Variants in MIPEP observed in about 807,000 individuals in gnomAD.
The protein encoded by MIPEP is mitochondrial intermediate peptidase.
MIPEP carries 79 observed loss-of-function variants against 90.3 expected under a neutral mutation model. That is an observed-to-expected ratio of 0.87 (90% CI 0.73 to 1.05). MIPEP has a LOEUF of 1.05. MIPEP is among the 50% of genes least tolerant of loss of function. MIPEP has a pLI of 0.00. For missense variants in MIPEP, 940 were observed against 905.6 expected (o/e 1.04, Z -0.49); for synonymous variants, 334 against 315.8 (o/e 1.06, Z -0.61).
At chr13:23,856,261 A>C (rs1344469335) in intron 10 of MIPEP, among the ~76,000 whole-genome samples, 2 of 152,206 alleles carry the variant, frequency 1.3e-5, no homozygotes, top group Admixed American at 1.3e-4. Context: ...CAAACCAGGG[A>C]GGCAATGGGA....
rs75944198 is a variant in MIPEP at position 23,826,349 on chromosome 13, C to A, written c.1653+9891G>T. On this transcript the variant is annotated intron_variant, in intron 14 of 18. Transcript: ENST00000382172. ...GACTTACCAGACTAGTATGAAACCG[C>A]AGACCCAACAATTATAAATATACAA... 5.6e-3 allele frequency among the ~76,000 whole-genome samples: 854 copies of A among 152,192 alleles called. 8 individuals are homozygous for A. Among genetic ancestry groups the A allele is most frequent in the African/African-American group, 0.019 (800 of 41,530 alleles).
intron 4 of MIPEP, among the ~76,000 whole-genome samples, chr13:23,875,670 T>G (rs1382407236): frequency 2.0e-5 from 3 of 152,148 alleles, no homozygotes; most frequent in Non-Finnish European, 4.4e-5. Flanking sequence ...TTACATCAAA[T>G]ATACCTTGAA....
intron 14 of MIPEP, among the ~76,000 whole-genome samples, chr13:23,823,926 T>G (rs1953337644): frequency 6.6e-6 from 1 of 152,196 alleles, no homozygotes. Context: ...AAACACTGCA[T>G]CAGTTGTCCA....
intron 14 of MIPEP, among the ~76,000 whole-genome samples, chr13:23,818,708 G>T (rs915100296): frequency 2.0e-5 from 3 of 152,196 alleles, no homozygotes; most frequent in Non-Finnish European, 4.4e-5. Context: ...CTCTGTGATT[G>T]GTACAAGGGT....
At chr13:23,807,031 T>G (rs1461423412) in intron 15 of MIPEP, among the ~76,000 whole-genome samples, 1 of 152,088 alleles carries the variant, frequency 6.6e-6, no homozygotes, top group East Asian at 1.9e-4. Flanking sequence ...CTCCCACACC[T>G]GGTGTCAGGA....
chr13:23,868,735 T>C (rs1345157167), intron 7 of MIPEP, among the ~76,000 whole-genome samples: 2 of 152,180 alleles, frequency 1.3e-5, no homozygotes, highest in African/African-American at 4.8e-5. Flanking sequence ...TACATTTATA[T>C]TATTATTGTG....
intron 18 of MIPEP, among the ~76,000 whole-genome samples, chr13:23,732,034 A>G (rs1400674929): frequency 6.9e-6 from 1 of 145,420 alleles, no homozygotes; most frequent in Non-Finnish European, 1.5e-5. Flanking sequence ...CCTGGACAAC[A>G]CAGCATGTGC....
chr13:23,815,397 C>A (rs927378633), intron 14 of MIPEP, among the ~76,000 whole-genome samples: 6 of 151,486 alleles, frequency 4.0e-5, no homozygotes, highest in Non-Finnish European at 8.8e-5. Context: ...CTCACTGCAA[C>A]TTCTGCCTCC....
intron 16 of MIPEP, among the ~76,000 whole-genome samples, chr13:23,767,718 C>A (rs1428176908): frequency 6.6e-6 from 1 of 152,114 alleles, no homozygotes; most frequent in Non-Finnish European, 1.5e-5. Context: ...TCCCAAAGTG[C>A]TGGGATTACA....
chr13:23,818,918 T>C (rs945810074), intron 14 of MIPEP, among the ~76,000 whole-genome samples: 2 of 152,238 alleles, frequency 1.3e-5, no homozygotes, highest in African/African-American at 4.8e-5. Context: ...CGTTAAGGTC[T>C]GAAGACTGGA....
At chr13:23,823,649 C>T (rs1391292084) in intron 14 of MIPEP, among the ~76,000 whole-genome samples, 3 of 152,120 alleles carry the variant, frequency 2.0e-5, no homozygotes, top group East Asian at 3.9e-4. Flanking sequence ...GGCAACAGAA[C>T]GAGACACCAT....
chr13:23,807,241 A>G (rs1367088188), intron 15 of MIPEP, among the ~76,000 whole-genome samples: 1 of 152,258 alleles, frequency 6.6e-6, no homozygotes, highest in Non-Finnish European at 1.5e-5. Context: ...ATAAACATAA[A>G]GCATTTTTTC....
At chr13:23,878,868 C>G (rs1871171666) in intron 4 of MIPEP, among the ~76,000 whole-genome samples, 1 of 152,156 alleles carries the variant, frequency 6.6e-6, no homozygotes, top group African/African-American at 2.4e-5. Flanking sequence ...TATTAACTGT[C>G]TACAGGAGTC....
At chr13:23,836,441 T>C (rs540969529) in intron 13 of MIPEP, 92 bp from the exon 14 acceptor site, 5 of 571,494 alleles carry the variant, frequency 8.7e-6, no homozygotes, top group African/African-American at 7.7e-5. Context: ...TTTGTACTTC[T>C]GATGAACTGT....
intron 16 of MIPEP, among the ~76,000 whole-genome samples, chr13:23,786,837 A>G (rs1952846724): frequency 6.6e-6 from 1 of 152,208 alleles, no homozygotes; most frequent in South Asian, 2.1e-4. Flanking sequence ...CTTTTGGCCC[A>G]GCAGTACACT....
rs150731203 is a variant in MIPEP, at chr13:23,847,605, A to G, written c.1107-6117T>C. On this transcript the variant is annotated intron_variant, in intron 10 of 18. Transcript: ENST00000382172. ...GTAGACTGACAGGCCTATAAACCAG[A>G]CTGTAGCTATTAGAAAGAGGAGGCA... 2.6e-3 allele frequency among the ~76,000 whole-genome samples: 391 copies of G among 152,322 alleles called. 1 individual carries two copies. The highest frequency in any genetic ancestry group is 0.024 in the Middle Eastern group (7 of 292).
chr13:23,794,692 A>C (rs1009473841), intron 16 of MIPEP, among the ~76,000 whole-genome samples: 1 of 152,220 alleles, frequency 6.6e-6, no homozygotes, highest in African/African-American at 2.4e-5. Flanking sequence ...TTATTCATGA[A>C]AACCAAGACA....
intron 14 of MIPEP, among the ~76,000 whole-genome samples, chr13:23,813,759 C>T (rs1953202515): frequency 6.6e-6 from 1 of 152,160 alleles, no homozygotes; most frequent in East Asian, 1.9e-4. Context: ...GCCACCGTGT[C>T]CAGCCCCCAA....
intron 13 of MIPEP, among the ~76,000 whole-genome samples, chr13:23,836,612 T>C (rs891330475): frequency 3.3e-5 from 5 of 152,224 alleles, no homozygotes; most frequent in Admixed American, 2.6e-4. Flanking sequence ...CTCACACCTT[T>C]TGCAAACAAA....
Sources: gnomAD v4.1 joint callset for allele counts (sites outside exome capture counted in the v4.1 genomes callset) on GRCh38, gnomAD v4.1.1 for gene constraint, MANE v1.5 for transcripts, NCBI Gene and HGNC (gene_info 2026-07-23, HGNC 2026-07-21) for gene names.